Variants in ACTR3 observed in about 807,000 individuals in gnomAD.
The protein encoded by ACTR3 is actin related protein 3, also known as actin-related protein 3.
ACTR3 carries 12 observed loss-of-function variants against 56.8 expected under a neutral mutation model. That is an observed-to-expected ratio of 0.21 (90% confidence interval 0.14 to 0.34). The LOEUF (loss-of-function observed/expected upper bound fraction) is 0.34. Ranked by LOEUF, ACTR3 falls within the 10% of genes least tolerant of loss-of-function variation. The probability of loss-of-function intolerance (pLI) is 1.00; values close to 1 mark genes in which losing one functional copy is unlikely to be tolerated. For synonymous variants in ACTR3, 162 were observed against 167.4 expected (o/e 0.97, Z 0.25); for missense variants, 282 against 512.5 (o/e 0.55, Z 4.34).
In ACTR3 at chr2:113,900,584, ATACT is replaced by A. The variant is rs767364912; in HGVS notation, c.44+10264_44+10267del. On this transcript the variant is annotated intron_variant, in intron 1 of 11. Coordinates refer to ENST00000263238, the MANE Select transcript of ACTR3 (RefSeq NM_005721.5). ...ATCTTGGGAAGGAAATGTTTACCAA[ATACT>A]TAGTGAGTTTTATTCACTGTTAGGT... 6.6e-5 allele frequency among the ~76,000 whole-genome samples: 10 copies of A among 152,226 alleles called. 1 individual carries two copies. Among genetic ancestry groups the A allele is most frequent in the Non-Finnish European group, 1.0e-4 (7 of 68,042 alleles).
At chr2:113,934,969 G>A (rs1408229185) in intron 6 of ACTR3, among the ~76,000 whole-genome samples, 1 of 151,618 alleles carries the variant, frequency 6.6e-6, no homozygotes, top group Non-Finnish European at 1.5e-5. Context: ...TATAGAGAAA[G>A]GTTTATCTTT....
At chr2:113,948,074 C>T (rs1358206524) in intron 8 of ACTR3, among the ~76,000 whole-genome samples, 1 of 152,150 alleles carries the variant, frequency 6.6e-6, no homozygotes, top group East Asian at 1.9e-4. Flanking sequence ...ACTTCAAACT[C>T]TTCTTAGTTG....
At chr2:113,895,256 C>G (rs1052714981) in intron 1 of ACTR3, among the ~76,000 whole-genome samples, 5 of 152,084 alleles carry the variant, frequency 3.3e-5, no homozygotes, top group Non-Finnish European at 7.4e-5. Flanking sequence ...TCACAACAAC[C>G]TGGAAAGTAT....
rs1045964914 is a variant in ACTR3, at chr2:113,960,686, A to T, written c.*3231A>T. ...TTTTCCCCCTTTTCTTACCAGCTCA[A>T]CCTTGATTCCTGTGACCCATTCTTT... On this transcript the variant is annotated 3_prime_UTR_variant, in exon 12 of 12. Coordinates refer to ENST00000263238, the MANE Select transcript of ACTR3 (RefSeq NM_005721.5). The T allele has an allele frequency of 1.3e-5, 2 of 151,900 alleles. No individual in the cohort carries two copies. Among genetic ancestry groups the T allele is most frequent in the Admixed American group, 6.6e-5 (1 of 15,220 alleles). The allele number at this position is 151,900 out of a possible 1,614,324, so 9.4% of individuals were successfully genotyped here.
Position 113,958,971 on chromosome 2 carries a change from T to C in ACTR3, c.*1516T>C, listed in dbSNP as rs549350417. On this transcript the variant is annotated 3_prime_UTR_variant, in exon 12 of 12. Coordinates refer to ENST00000263238, the MANE Select transcript of ACTR3 (RefSeq NM_005721.5). ...TGAATATTTAAAATCCTATAATAATTTTTGTGAATCTTCATTCTTTGAGTA... is the reference window on the plus strand; with the variant it reads ...TGAATATTTAAAATCCTATAATAATCTTTGTGAATCTTCATTCTTTGAGTA... 6.6e-6 allele frequency: 1 copy of C among 152,176 alleles called. No homozygotes were observed. Among genetic ancestry groups the C allele is most frequent in the East Asian group, 1.9e-4 (1 of 5,192 alleles). The allele number at this position is 152,176 out of a possible 1,614,324, so 9.4% of individuals were successfully genotyped here. A position where few individuals can be genotyped will look rare whatever the true frequency, so the allele number is the denominator to read the frequency against.
In ACTR3 at chr2:113,927,500, C is replaced by T. The variant is rs764708544; in HGVS notation, c.336+45C>T. 16 of 1,225,200 alleles carry T rather than the reference C, an allele frequency of 1.3e-5. No homozygotes were observed. In the South Asian group the frequency reaches 1.9e-4, roughly 14 times the overall value. The allele number at this position is 1,225,200 out of a possible 1,614,324, so 75.9% of individuals were successfully genotyped here. On this transcript the variant is annotated intron_variant, in intron 4 of 11. Transcript: ENST00000263238. Reference sequence around the variant, plus strand: ...TTCACTGAGGAAATTTTTGAATACACTTAATGAGAACATTTTCATCATACT... The same window carrying T: ...TTCACTGAGGAAATTTTTGAATACATTTAATGAGAACATTTTCATCATACT...
Position 113,891,686 on chromosome 2 carries a change from CT to C in ACTR3, c.44+1366del, listed in dbSNP as rs774429032. On this transcript the variant is annotated intron_variant, in intron 1 of 11. Coordinates refer to ENST00000263238, the MANE Select transcript of ACTR3 (RefSeq NM_005721.5). ...CTTAAAAGATTGTGTGTCCTTCACT[CT>C]TTATGTGAAATTTCTTTAATCTTCA... Among the ~76,000 whole-genome samples, 14 of 151,514 alleles carry C rather than the reference CT, an allele frequency of 9.2e-5. No individual in the cohort carries two copies. The East Asian group carries it at 1.2e-3, about 13-fold the overall frequency.
chr2:113,951,594 T>A (rs113668583), intron 9 of ACTR3, 23 bp downstream of exon 9: 291 of 1,589,596 alleles, frequency 1.8e-4, no homozygotes, highest in Non-Finnish European at 2.4e-4. Context: ...AAATTGTTAT[T>A]CAAGGTCTTA....
intron 10 of ACTR3, 82 bp downstream of exon 10, chr2:113,951,927 GATTTA>G: frequency 1.3e-6 from 2 of 1,548,778 alleles, no homozygotes; most frequent in Non-Finnish European, 1.8e-6. Flanking sequence ...CATTCACTCT[GATTTA>G]GAAAAATAAG....
chr2:113,920,006 C>G (rs987535583), intron 3 of ACTR3, among the ~76,000 whole-genome samples: 1 of 152,244 alleles, frequency 6.6e-6, no homozygotes, highest in African/African-American at 2.4e-5. Flanking sequence ...TCACTGCATC[C>G]TCCACCTCCT....
In ACTR3 at chr2:113,959,225, G is replaced by A. The variant is rs1345208811; in HGVS notation, c.*1770G>A. 1 of 151,958 alleles carries A rather than the reference G, an allele frequency of 6.6e-6. No individual in the cohort carries two copies. The highest frequency in any genetic ancestry group is 1.5e-5 in the Non-Finnish European group (1 of 67,916). 9.4% of individuals were successfully genotyped at this position (151,958 alleles called of 1,614,324 possible). A position where few individuals can be genotyped will look rare whatever the true frequency, so the allele number is the denominator to read the frequency against. ...ATGTCCTTGTATTGTAATTTTCTGT[G>A]TAGGTAGAAATAAATGTAGCTTTCT... On this transcript the variant is annotated 3_prime_UTR_variant, in exon 12 of 12. Coordinates refer to ENST00000263238, the MANE Select transcript of ACTR3 (RefSeq NM_005721.5).
At chr2:113,927,559 T>A in intron 4 of ACTR3, 104 bp downstream of exon 4, 3 of 699,692 alleles carry the variant, frequency 4.3e-6, no homozygotes, top group Non-Finnish European at 7.1e-6. Flanking sequence ...AATTGTCATA[T>A]GTCTAAATGA....
At chr2:113,955,868 C>T (rs546029047) in intron 11 of ACTR3, among the ~76,000 whole-genome samples, 162 bp downstream of exon 11, 1 of 152,278 alleles carries the variant, frequency 6.6e-6, no homozygotes, top group African/African-American at 2.4e-5. Flanking sequence ...CTGCCTCAGC[C>T]TCCCAAGTAG....
chr2:113,912,133 C>T (rs1365420081), intron 1 of ACTR3, among the ~76,000 whole-genome samples: 1 of 152,086 alleles, frequency 6.6e-6, no homozygotes, highest in Non-Finnish European at 1.5e-5. Flanking sequence ...ACCTCAGCTT[C>T]CCAAAGTGCT....
At chr2:113,948,916 C>A (rs1362609978) in intron 8 of ACTR3, among the ~76,000 whole-genome samples, 3 of 151,748 alleles carry the variant, frequency 2.0e-5, no homozygotes. Context: ...TAGGGATTCC[C>A]TTTCCCTCTC....
chr2:113,936,797 G>A (rs1679834831), intron 6 of ACTR3, among the ~76,000 whole-genome samples: 1 of 152,126 alleles, frequency 6.6e-6, no homozygotes, highest in Admixed American at 6.5e-5. Context: ...GGAAAGGATA[G>A]GTATCAGGAT....
At chr2:113,945,271 C>T (rs1244723235) in intron 8 of ACTR3, among the ~76,000 whole-genome samples, 1 of 152,190 alleles carries the variant, frequency 6.6e-6, no homozygotes, top group Non-Finnish European at 1.5e-5. Flanking sequence ...ATTAGCAGCT[C>T]TTCACCCTCC....
chr2:113,903,426 G>A (rs1247067825), intron 1 of ACTR3, among the ~76,000 whole-genome samples: 2 of 152,094 alleles, frequency 1.3e-5, no homozygotes, highest in African/African-American at 4.8e-5. Context: ...GAGTGCAGTG[G>A]CGCAGCCTTG....
intron 3 of ACTR3, among the ~76,000 whole-genome samples, chr2:113,926,263 A>G (rs1475885511): frequency 6.6e-6 from 1 of 152,242 alleles, no homozygotes; most frequent in Admixed American, 6.5e-5. Context: ...TGTCATTGAA[A>G]GGAATATATA....
Sources: allele counts gnomAD v4.1 joint callset (sites outside exome capture counted in the v4.1 genomes callset), GRCh38; gene constraint gnomAD v4.1.1; transcripts MANE v1.5; gene names NCBI Gene and HGNC (gene_info 2026-07-23, HGNC 2026-07-21).